SORCS1: variants seen among roughly 807,000 people sequenced by gnomAD.
SORCS1 encodes sortilin related VPS10 domain containing receptor 1.
A neutral mutation model predicts 146.1 loss-of-function variants in SORCS1; 60 were observed. The observed-to-expected ratio is 0.41, with a 90% confidence interval of 0.33 to 0.51. SORCS1 has a LOEUF of 0.51. SORCS1 is among the 20% of genes least tolerant of loss of function. The pLI is 0.21. For missense variants in SORCS1, 1,352 were observed against 1,487.6 expected (o/e 0.91, Z 1.50); for synonymous variants, 637 against 584.0 (o/e 1.09, Z -1.31).
At position 106,679,636 on chromosome 10, in the gene SORCS1, T is replaced by G; in HGVS notation, c.1659A>C (p.Ala553=). 2 of 1,610,900 alleles carry G rather than the reference T, an allele frequency of 1.2e-6. No individual in the cohort carries two copies. The highest frequency in any genetic ancestry group is 1.7e-6 in the Non-Finnish European group (2 of 1,178,262). ...CAAACCAGGTAAGCTTCTTACCTGATGCCACTATGATGCTTGGAGCTGTGT... is the reference window on the plus strand; with the variant it reads ...CAAACCAGGTAAGCTTCTTACCTGAGGCCACTATGATGCTTGGAGCTGTGT... ...SKDTAPSIIV[A]SGNIGSELSD... The change falls in exon 11 of 26, where the codon GCA becomes GCC. Residue 553 remains alanine (A), a synonymous_variant. Transcript: ENST00000263054.
chr10:107,025,322 A>G (rs1383276381), intron 1 of SORCS1, among the ~76,000 whole-genome samples: 1 of 152,240 alleles, frequency 6.6e-6, no homozygotes, highest in Admixed American at 6.5e-5. Context: ...ATCAACCCCA[A>G]TAAATGCTAG....
chr10:106,802,498 ATT>A (rs10707442), intron 3 of SORCS1, among the ~76,000 whole-genome samples: 86 of 138,408 alleles, frequency 6.2e-4, no homozygotes, highest in African/African-American at 9.7e-4. Context: ...AACCCAGCTA[ATT>A]TTTTTTTTTT....
At chr10:106,691,808 T>C (rs1853318568) in intron 9 of SORCS1, among the ~76,000 whole-genome samples, 1 of 152,210 alleles carries the variant, frequency 6.6e-6, no homozygotes, top group Admixed American at 6.5e-5. Context: ...AGATGGTATC[T>C]GTATCTTGAC....
At chr10:106,972,768 G>C (rs895044943) in intron 1 of SORCS1, among the ~76,000 whole-genome samples, 4 of 152,214 alleles carry the variant, frequency 2.6e-5, no homozygotes, top group Admixed American at 6.5e-5. Context: ...ACAATCTCTA[G>C]CTAGATGCAG....
chr10:107,119,332 T>A (rs1207439527), intron 1 of SORCS1, among the ~76,000 whole-genome samples: 2 of 152,212 alleles, frequency 1.3e-5, no homozygotes, highest in Non-Finnish European at 2.9e-5. Flanking sequence ...CCTTTGTACA[T>A]TTCATGCACT....
At chr10:106,854,828 T>G (rs529431779) in intron 2 of SORCS1, among the ~76,000 whole-genome samples, 1 of 152,192 alleles carries the variant, frequency 6.6e-6, no homozygotes, top group African/African-American at 2.4e-5. Context: ...TGTGTATGTG[T>G]GTGTGTATAT....
chr10:107,123,237 T>C (rs1966509294), intron 1 of SORCS1, among the ~76,000 whole-genome samples: 1 of 152,230 alleles, frequency 6.6e-6, no homozygotes, highest in African/African-American at 2.4e-5. Context: ...AAATAATTGG[T>C]ACTTGTATTC....
chr10:107,033,770 T>C (rs2133946136), intron 1 of SORCS1, among the ~76,000 whole-genome samples: 1 of 152,254 alleles, frequency 6.6e-6, no homozygotes, highest in Admixed American at 6.5e-5. Context: ...TCGAAGTTTT[T>C]GCTGCTTTTC....
At chr10:107,131,131 T>C (rs1966864201) in intron 1 of SORCS1, among the ~76,000 whole-genome samples, 1 of 152,246 alleles carries the variant, frequency 6.6e-6, no homozygotes, top group Non-Finnish European at 1.5e-5. Flanking sequence ...CTGCTCTTTA[T>C]AGTACCTGTC....
chr10:106,581,398 G>T (rs532159696), intron 24 of SORCS1, among the ~76,000 whole-genome samples: 7 of 150,672 alleles, frequency 4.6e-5, no homozygotes, highest in African/African-American at 1.7e-4. Flanking sequence ...TTCAGTAAAA[G>T]ACATATTTCT....
chr10:106,713,048 A>G (rs1434493748), intron 6 of SORCS1, among the ~76,000 whole-genome samples: 2 of 152,214 alleles, frequency 1.3e-5, no homozygotes, highest in Non-Finnish European at 2.9e-5. Context: ...AATCTGAGAG[A>G]TATCAGGAGA....
At chr10:106,817,545 A>G (rs924471797) in intron 3 of SORCS1, among the ~76,000 whole-genome samples, 2 of 152,234 alleles carry the variant, frequency 1.3e-5, no homozygotes, top group Non-Finnish European at 2.9e-5. Context: ...TCAGGGTCCA[A>G]TAAGTTTAGA....
chr10:107,031,618 G>A (rs1170049930), intron 1 of SORCS1, among the ~76,000 whole-genome samples: 2 of 150,686 alleles, frequency 1.3e-5, no homozygotes, highest in Non-Finnish European at 3.0e-5. Context: ...TTTTTTGGTG[G>A]GGGGGAATAG....
chr10:107,025,463 A>G (rs923416748), intron 1 of SORCS1, among the ~76,000 whole-genome samples: 1 of 152,194 alleles, frequency 6.6e-6, no homozygotes, highest in Non-Finnish European at 1.5e-5. Context: ...TGGACATGAA[A>G]TAAACTATCC....
intron 3 of SORCS1, among the ~76,000 whole-genome samples, chr10:106,779,464 T>G (rs1339652765): frequency 6.6e-6 from 1 of 152,290 alleles, no homozygotes; most frequent in East Asian, 1.9e-4. Context: ...TTCTTTCTAC[T>G]TCTTTATCCA....
At chr10:106,787,238 T>C (rs1589875984) in intron 3 of SORCS1, among the ~76,000 whole-genome samples, 1 of 152,156 alleles carries the variant, frequency 6.6e-6, no homozygotes, top group East Asian at 1.9e-4. Context: ...AGCACTGATA[T>C]CATTTACAAC....
At chr10:106,788,156 T>C (rs1324381211) in intron 3 of SORCS1, among the ~76,000 whole-genome samples, 1 of 152,132 alleles carries the variant, frequency 6.6e-6, no homozygotes, top group Non-Finnish European at 1.5e-5. Flanking sequence ...TCATGAGAAC[T>C]CACTCACTAT....
At chr10:106,933,930 C>T (rs1462988918) in intron 2 of SORCS1, among the ~76,000 whole-genome samples, 2 of 151,952 alleles carry the variant, frequency 1.3e-5, no homozygotes, top group Non-Finnish European at 2.9e-5. Context: ...CCCATCTCTA[C>T]TAAAAATACA....
At chr10:106,674,960 G>T in intron 14 of SORCS1, 89 bp downstream of exon 14, 1 of 1,008,956 alleles carries the variant, frequency 9.9e-7, no homozygotes, top group Non-Finnish European at 1.5e-6. Flanking sequence ...GAACCTAACA[G>T]CTGCAAATCA....
Sources: gnomAD v4.1 joint callset for allele counts (sites outside exome capture counted in the v4.1 genomes callset) on GRCh38, gnomAD v4.1.1 for gene constraint, MANE v1.5 for transcripts, NCBI Gene and HGNC (gene_info 2026-07-23, HGNC 2026-07-21) for gene names.